The following SGCZ variants were observed in gnomAD, a reference collection of about 807,000 sequenced individuals.
SGCZ encodes zeta-sarcoglycan.
A neutral mutation model predicts 41.3 loss-of-function variants in SGCZ; 40 were observed. That is an observed-to-expected ratio of 0.97 (90% CI 0.75 to 1.26). The LOEUF is 1.26. Ranked by LOEUF, SGCZ falls within the 50% of genes most tolerant of loss-of-function variation. The pLI is 0.00. For synonymous variants in SGCZ, 206 were observed against 137.5 expected (o/e 1.50, Z -3.49); for missense variants, 552 against 369.8 (o/e 1.49, Z -4.04).
At chr8:14,461,566 G>A (rs761710377) in intron 2 of SGCZ, among the ~76,000 whole-genome samples, 9 of 152,032 alleles carry the variant, frequency 5.9e-5, no homozygotes, top group African/African-American at 7.2e-5. Flanking sequence ...GACATGCACT[G>A]ACCTAGACGA....
chr8:15,062,538 T>C (rs1202088324), intron 1 of SGCZ, among the ~76,000 whole-genome samples: 1 of 152,150 alleles, frequency 6.6e-6, no homozygotes, highest in Non-Finnish European at 1.5e-5. Context: ...CATATCTGTA[T>C]CCATTACGCA....
chr8:14,200,067 A>G (rs964205760), intron 4 of SGCZ, among the ~76,000 whole-genome samples: 4 of 152,184 alleles, frequency 2.6e-5, no homozygotes, highest in African/African-American at 9.7e-5. Context: ...GGTAGTATCC[A>G]TGGTTTCTGA....
chr8:14,473,118 G>A (rs1370238289), intron 2 of SGCZ, among the ~76,000 whole-genome samples: 1 of 152,112 alleles, frequency 6.6e-6, no homozygotes, highest in Non-Finnish European at 1.5e-5. Context: ...GAACATTAAA[G>A]AGGTAATTTA....
chr8:14,367,099 TACGCCAG>T (rs1288238989), intron 2 of SGCZ, among the ~76,000 whole-genome samples: 3 of 152,118 alleles, frequency 2.0e-5, no homozygotes, highest in Non-Finnish European at 4.4e-5. Context: ...AGAAATTTCT[TACGCCAG>T]ATGCCCCAAA....
At chr8:14,280,305 G>A (rs1800378476) in intron 3 of SGCZ, among the ~76,000 whole-genome samples, 1 of 151,864 alleles carries the variant, frequency 6.6e-6, no homozygotes, top group East Asian at 1.9e-4. Context: ...AATACAGGTA[G>A]TAATATAAAT....
At chr8:14,673,732 T>C (rs533512765) in intron 1 of SGCZ, among the ~76,000 whole-genome samples, 1 of 152,216 alleles carries the variant, frequency 6.6e-6, no homozygotes, top group South Asian at 2.1e-4. Context: ...ATGAACAAAT[T>C]AATGTACAGA....
chr8:14,366,945 T>G lies in SGCZ; in HGVS notation c.235-42741A>C, dbSNP rs186784512. Among the ~76,000 whole-genome samples the G allele has an allele frequency of 2.0e-5, 3 of 152,138 alleles. No individual in the cohort carries two copies. The South Asian group carries it at 6.2e-4, about 31-fold the overall frequency. ...TTCCCCAACGTCTTGGAAGTTAACA[T>G]TTGGGCTCTTCATTACTTATGCAAA... On this transcript the variant is annotated intron_variant, in intron 2 of 7. Coordinates refer to ENST00000382080, the MANE Select transcript of SGCZ (RefSeq NM_139167.4).
intron 4 of SGCZ, among the ~76,000 whole-genome samples, chr8:14,216,778 C>T (rs1372271905): frequency 3.3e-5 from 5 of 152,096 alleles, no homozygotes; most frequent in African/African-American, 1.2e-4. Flanking sequence ...TGGTGAAAGA[C>T]TAAATGCTTT....
rs549081506 is a variant in SGCZ, at chr8:14,280,898, G to A, written c.336+43205C>T. On this transcript the variant is annotated intron_variant, in intron 3 of 7. Transcript: ENST00000382080. ...ACTGAAAACAAGAGAGAGGGAGAAA[G>A]TACATATGAAACAAGAAGGTCATCA... Among the ~76,000 whole-genome samples, 4 of 151,396 alleles carry A rather than the reference G, an allele frequency of 2.6e-5. No homozygotes were observed. The South Asian group carries it at 6.2e-4, about 24-fold the overall frequency.
At chr8:15,175,311 G>T (rs553485247) in intron 1 of SGCZ, among the ~76,000 whole-genome samples, 2 of 151,696 alleles carry the variant, frequency 1.3e-5, no homozygotes, top group South Asian at 2.1e-4. Flanking sequence ...ACTGGATAAA[G>T]AAAATGTGAT....
At chr8:14,190,248 G>A (rs1483660593) in intron 4 of SGCZ, among the ~76,000 whole-genome samples, 1 of 151,858 alleles carries the variant, frequency 6.6e-6, no homozygotes. Context: ...TCCTGACCTT[G>A]TGATCCGCCC....
intron 1 of SGCZ, among the ~76,000 whole-genome samples, chr8:14,635,804 T>G (rs1476770504): frequency 6.6e-6 from 1 of 151,934 alleles, no homozygotes; most frequent in Non-Finnish European, 1.5e-5. Flanking sequence ...AAGTGCAGAC[T>G]GCTATACTGT....
intron 1 of SGCZ, among the ~76,000 whole-genome samples, chr8:15,082,277 T>C (rs1249420983): frequency 6.6e-6 from 1 of 152,064 alleles, no homozygotes; most frequent in Non-Finnish European, 1.5e-5. Flanking sequence ...AAATATTTTA[T>C]ATATTTGATA....
At chr8:14,271,099 A>C (rs1800043330) in intron 3 of SGCZ, among the ~76,000 whole-genome samples, 1 of 152,174 alleles carries the variant, frequency 6.6e-6, no homozygotes, top group Admixed American at 6.5e-5. Flanking sequence ...CTAATGTTAA[A>C]TGATGAGTTA....
intron 1 of SGCZ, among the ~76,000 whole-genome samples, chr8:14,688,328 G>C (rs542935918): frequency 1.5e-3 from 235 of 152,248 alleles, no homozygotes; most frequent in African/African-American, 4.8e-3. Flanking sequence ...ATGGTTTTAG[G>C]TCTAAAGTTT....
intron 2 of SGCZ, among the ~76,000 whole-genome samples, chr8:14,501,207 C>G (rs540445801): frequency 4.6e-5 from 7 of 151,718 alleles, no homozygotes; most frequent in East Asian, 2.0e-4. Context: ...CTCACTGACT[C>G]TTCTGCTTGC....
intron 1 of SGCZ, among the ~76,000 whole-genome samples, chr8:14,993,086 T>C (rs1228281447): frequency 6.6e-6 from 1 of 152,198 alleles, no homozygotes; most frequent in Non-Finnish European, 1.5e-5. Flanking sequence ...TTACCTCTCA[T>C]ACATCCTCTT....
chr8:14,291,883 A>G (rs1190705429), intron 3 of SGCZ, among the ~76,000 whole-genome samples: 1 of 151,976 alleles, frequency 6.6e-6, no homozygotes, highest in Non-Finnish European at 1.5e-5. Flanking sequence ...CCAAAAACAG[A>G]AATTTTACTC....
In SGCZ at chr8:14,391,824, G is replaced by A. The variant is rs1804786497; in HGVS notation, c.235-67620C>T. Among the ~76,000 whole-genome samples, 3 of 152,100 alleles carry A rather than the reference G, an allele frequency of 2.0e-5. No individual in the cohort carries two copies. The South Asian group carries it at 6.2e-4, about 32-fold the overall frequency. Reference sequence around the variant, plus strand: ...CAGGAAGCATAGCAGCTTCTGGGGAGGTTTCAGGAAGCTTTCAATGGTGGA... The same window carrying A: ...CAGGAAGCATAGCAGCTTCTGGGGAAGTTTCAGGAAGCTTTCAATGGTGGA... On this transcript the variant is annotated intron_variant, in intron 2 of 7. Transcript: ENST00000382080.
Sources: gnomAD v4.1 joint callset for allele counts (sites outside exome capture counted in the v4.1 genomes callset) on GRCh38, gnomAD v4.1.1 for gene constraint, MANE v1.5 for transcripts, NCBI Gene and HGNC (gene_info 2026-07-23, HGNC 2026-07-21) for gene names.